PLS1: variants seen among roughly 807,000 people sequenced by gnomAD.
PLS1 encodes plastin-1.
Under a neutral mutation model 73.7 loss-of-function variants are expected in PLS1, and 32 were observed. The ratio of observed to expected loss-of-function variants is 0.43; its 90% CI spans 0.33 to 0.58. The LOEUF (loss-of-function observed/expected upper bound fraction) is 0.58. PLS1 is among the 20% of genes least tolerant of loss of function. The probability of loss-of-function intolerance (pLI) is 0.04; values close to 1 mark genes in which losing one functional copy is unlikely to be tolerated. For missense variants in PLS1, 633 were observed against 740.5 expected (o/e 0.85, Z 1.68); for synonymous variants, 217 against 261.3 (o/e 0.83, Z 1.63).
intron 1 of PLS1, among the ~76,000 whole-genome samples, chr3:142,616,791 G>A (rs1374061320): frequency 6.6e-6 from 1 of 152,062 alleles, no homozygotes; most frequent in Non-Finnish European, 1.5e-5. Flanking sequence ...TAGTAGAGAT[G>A]GGGTTTCACC....
intron 6 of PLS1, among the ~76,000 whole-genome samples, chr3:142,682,740 T>C (rs2037881637): frequency 6.6e-6 from 1 of 152,214 alleles, no homozygotes; most frequent in African/African-American, 2.4e-5. Flanking sequence ...CTCTTGAAAG[T>C]TGCATAGATT....
At position 142,713,553 on chromosome 3, in the gene PLS1, T is replaced by C. The variant is rs141529177; in HGVS notation, c.*1546T>C. On this transcript the variant is annotated 3_prime_UTR_variant, in exon 16 of 16. Transcript: ENST00000457734. ...TTATTTAAATTATGTTTCCCTCTGATTTTTTTTCACCATTGTATTTACTAA... is the reference window on the plus strand; with the variant it reads ...TTATTTAAATTATGTTTCCCTCTGACTTTTTTTCACCATTGTATTTACTAA... 83 of 152,546 alleles carry C rather than the reference T, an allele frequency of 5.4e-4. No homozygotes were observed. Among genetic ancestry groups the C allele is most frequent in the African/African-American group, 1.8e-3 (76 of 41,528 alleles). 9.4% of individuals were successfully genotyped at this position (152,546 alleles called of 1,614,324 possible). A position where few individuals can be genotyped will look rare whatever the true frequency, so the allele number is the denominator to read the frequency against.
chr3:142,674,830 G>A (rs1223877553), intron 4 of PLS1, among the ~76,000 whole-genome samples: 5 of 152,104 alleles, frequency 3.3e-5, no homozygotes, highest in African/African-American at 1.2e-4. Context: ...CCAGATTCAA[G>A]CAATTCTCCC....
chr3:142,611,690 G>A (rs2036122813), intron 1 of PLS1, among the ~76,000 whole-genome samples: 1 of 152,032 alleles, frequency 6.6e-6, no homozygotes, highest in African/African-American at 2.4e-5. Flanking sequence ...TATATAGTAT[G>A]TACATACTAT....
intron 1 of PLS1, among the ~76,000 whole-genome samples, chr3:142,629,577 A>G (rs1462949063): frequency 2.0e-5 from 3 of 152,214 alleles, no homozygotes; most frequent in African/African-American, 7.2e-5. Context: ...GTATGAGGAA[A>G]CTAACTGGAG....
At chr3:142,646,674 T>TCG (rs1268713610) in intron 1 of PLS1, among the ~76,000 whole-genome samples, 29 of 152,250 alleles carry the variant, frequency 1.9e-4, no homozygotes, top group African/African-American at 7.0e-4. Context: ...ACATCATAGT[T>TCG]CTTACTGTGG....
rs183997369 is a variant in PLS1 at position 142,654,228 on chromosome 3, T to C, written c.-36-9974T>C. ...GTCTGTTCTCTGCTTTGCTAGAAGA[T>C]TTCTTTGTTTATATATCTAGTGTTT... On this transcript the variant is annotated intron_variant, in intron 1 of 15. Coordinates refer to ENST00000457734, the MANE Select transcript of PLS1 (RefSeq NM_001145319.2). 2.0e-5 allele frequency among the ~76,000 whole-genome samples: 3 copies of C among 152,276 alleles called. No homozygotes were observed. In the East Asian group the frequency reaches 5.8e-4, roughly 29 times the overall value.
At chr3:142,693,567 A>G (rs924366876) in intron 10 of PLS1, among the ~76,000 whole-genome samples, 1 of 152,190 alleles carries the variant, frequency 6.6e-6, no homozygotes, top group Non-Finnish European at 1.5e-5. Context: ...CTGTCTAATA[A>G]CTTTGCCGAA....
intron 1 of PLS1, among the ~76,000 whole-genome samples, chr3:142,633,548 C>T (rs773681921): frequency 2.6e-5 from 4 of 151,982 alleles, no homozygotes; most frequent in Non-Finnish European, 4.4e-5. Flanking sequence ...CCCAGCTACT[C>T]GGGGGGCTGA....
intron 1 of PLS1, among the ~76,000 whole-genome samples, chr3:142,616,706 G>A (rs115683937): frequency 0.096 from 14,550 of 152,040 alleles, 805 homozygotes; most frequent in Non-Finnish European, 0.13. Context: ...GGGTTCTAGC[G>A]ATTCTCCTGT....
chr3:142,603,701 T>C (rs1031746491), intron 1 of PLS1, among the ~76,000 whole-genome samples: 1 of 151,562 alleles, frequency 6.6e-6, no homozygotes, highest in Non-Finnish European at 1.5e-5. Context: ...GCCCAGGAGA[T>C]TGAGGCTGCA....
chr3:142,634,608 A>T (rs1305964274), intron 1 of PLS1, among the ~76,000 whole-genome samples: 2 of 152,180 alleles, frequency 1.3e-5, no homozygotes, highest in Admixed American at 6.5e-5. Flanking sequence ...TAGTAAAAGA[A>T]AAACAGTCAA....
intron 1 of PLS1, among the ~76,000 whole-genome samples, chr3:142,623,065 C>T (rs2036347396): frequency 1.3e-5 from 2 of 152,076 alleles, no homozygotes; most frequent in Non-Finnish European, 2.9e-5. Context: ...CTCAGGTGGT[C>T]CTCCTGCCTC....
chr3:142,681,626 G>A (rs962822216), intron 6 of PLS1, among the ~76,000 whole-genome samples: 5 of 152,164 alleles, frequency 3.3e-5, no homozygotes, highest in Non-Finnish European at 7.4e-5. Context: ...GTTGTTTGTG[G>A]TTCCCTACTC....
intron 9 of PLS1, 133 bp downstream of exon 9, chr3:142,686,509 T>C: frequency 1.6e-6 from 1 of 632,886 alleles, no homozygotes; most frequent in South Asian, 1.9e-5. Context: ...ATCACCATTA[T>C]CCATCTCTAC....
intron 12 of PLS1, among the ~76,000 whole-genome samples, chr3:142,701,695 A>T (rs1165062628): frequency 6.6e-6 from 1 of 152,194 alleles, no homozygotes; most frequent in African/African-American, 2.4e-5. Flanking sequence ...ATATATTCTT[A>T]GGCCTCTATA....
At chr3:142,711,427 A>C in intron 14 of PLS1, 74 bp from the exon 15 acceptor site, 1 of 1,157,334 alleles carries the variant, frequency 8.6e-7, no homozygotes, top group Non-Finnish European at 1.3e-6. Context: ...CAGTTATATG[A>C]TCAGAAGAGT....
At chr3:142,639,432 C>T (rs529087720) in intron 1 of PLS1, among the ~76,000 whole-genome samples, 32 of 152,238 alleles carry the variant, frequency 2.1e-4, no homozygotes, top group East Asian at 7.7e-4. Flanking sequence ...GGAATGGGTT[C>T]GGATTGTCAA....
intron 1 of PLS1, among the ~76,000 whole-genome samples, chr3:142,607,572 C>T (rs2036047639): frequency 6.6e-6 from 1 of 152,172 alleles, no homozygotes; most frequent in Non-Finnish European, 1.5e-5. Flanking sequence ...CTGCTCCCGG[C>T]CGTATTATTA....
Sources: allele counts gnomAD v4.1 joint callset (sites outside exome capture counted in the v4.1 genomes callset), GRCh38; gene constraint gnomAD v4.1.1; transcripts MANE v1.5; gene names NCBI Gene and HGNC (gene_info 2026-07-23, HGNC 2026-07-21).